The following GAS2L1 variants were observed in gnomAD, a reference collection of about 807,000 sequenced individuals.
GAS2L1 encodes GAS2-like protein 1.
A neutral mutation model predicts 44.0 loss-of-function variants in GAS2L1; 26 were observed. That is an observed-to-expected ratio of 0.59 (90% CI 0.43 to 0.82). The LOEUF is 0.82. GAS2L1 is among the 40% of genes least tolerant of loss of function. The probability of loss-of-function intolerance (pLI) is 0.00; values close to 1 mark genes in which losing one functional copy is unlikely to be tolerated. For missense variants in GAS2L1, 1,006 were observed against 983.0 expected (o/e 1.02, Z -0.31); for synonymous variants, 426 against 415.9 (o/e 1.02, Z -0.30).
exon 5 of GAS2L1, chr22:29,312,600 C>G (rs2061423145): frequency 2.5e-6 from 2 of 804,218 alleles, no homozygotes; most frequent in Admixed American, 3.2e-5. Flanking sequence ...AGTACCAGAC[C>G]TCATGGGACC....
At chr22:29,310,273 AAAAT>A (rs1569140140) in intron 1 of GAS2L1, 162 bp from the exon 3 acceptor site, 1 of 411,702 alleles carries the variant, frequency 2.4e-6, no homozygotes, top group Admixed American at 4.1e-5. Context: ...AAAAATAAAA[AAAAT>A]AAAAGAAAGG....
chr22:29,312,209 G>A, exon 5 of GAS2L1: 1 of 1,613,044 alleles, frequency 6.2e-7, no homozygotes, highest in Non-Finnish European at 8.5e-7. Flanking sequence ...CTGGCCGGAC[G>A]GCCAATGGGC....
intron 3 of GAS2L1, 44 bp downstream of exon 4, chr22:29,310,778 G>A (rs777064773): frequency 2.5e-6 from 4 of 1,605,742 alleles, no homozygotes; most frequent in Non-Finnish European, 3.4e-6. Context: ...CAGGGGACTT[G>A]CTTCTGTGGC....
intron 1 of GAS2L1, 37 bp from the exon 3 acceptor site, chr22:29,310,402 T>C: frequency 8.5e-7 from 1 of 1,176,794 alleles, no homozygotes; most frequent in South Asian, 1.3e-5. Flanking sequence ...GGAGGAGGAC[T>C]TGACCTCTGA....
chr22:29,312,608 A>C, exon 5 of GAS2L1: 1 of 731,114 alleles, frequency 1.4e-6, no homozygotes, highest in South Asian at 2.8e-5. Context: ...ACCTCATGGG[A>C]CCAGACCCCT....
intron 4 of GAS2L1, 55 bp from the exon 6 acceptor site, chr22:29,311,407 T>C (rs2061403703): frequency 1.4e-6 from 1 of 704,128 alleles, no homozygotes; most frequent in South Asian, 1.8e-5. Flanking sequence ...CTGCCTGTTC[T>C]GCATGCCAGT....
Position 29,311,759 on chromosome 22 carries a change from C to T in GAS2L1, c.1308C>T (p.Ser436=), listed in dbSNP as rs61737736. 6.9e-4 allele frequency: 1,067 copies of T among 1,538,080 alleles called. 3 individuals carry two copies. The highest frequency in any genetic ancestry group is 2.0e-3 in the Middle Eastern group (10 of 4,904). ...CCAGCCCTGCCCGGCGGGCCCGGAGCCAGAGCCGCGAGGAGCAGGCTGTGC... is the reference window on the plus strand; with the variant it reads ...CCAGCCCTGCCCGGCGGGCCCGGAGTCAGAGCCGCGAGGAGCAGGCTGTGC... Residue 436 remains serine (S), a synonymous_variant, in exon 5 of 5, where the codon AGC becomes AGT. Coordinates refer to ENST00000618518, the Ensembl canonical transcript of GAS2L1.
At chr22:29,312,279 G>T (rs774249918) in exon 5 of GAS2L1, 22 of 1,609,870 alleles carry the variant, frequency 1.4e-5, no homozygotes, top group Non-Finnish European at 1.8e-5. Context: ...CCCCTGCCCT[G>T]GCATGGGGGG....
chr22:29,308,493 CGCAAGAACGAGAAGAGCGTGGTGCTGT>C (rs1569138860), exon 1 of GAS2L1: 1 of 1,608,812 alleles, frequency 6.2e-7, no homozygotes, highest in Non-Finnish European at 8.5e-7. Context: ...CCTGGTGCTG[CGCAAGAACGAGAAGAGCGTGGTGCTGT>C]GCCTGCTGGA....
intron 1 of GAS2L1, 55 bp downstream of exon 2, chr22:29,308,793 ATC>A: frequency 7.2e-7 from 1 of 1,382,492 alleles, no homozygotes; most frequent in South Asian, 1.5e-5. Context: ...AGTGCCTGCA[ATC>A]TGTCCCTGAA....
exon 5 of GAS2L1, chr22:29,312,469 C>G: frequency 6.6e-7 from 1 of 1,513,284 alleles, no homozygotes; most frequent in South Asian, 1.3e-5. Flanking sequence ...TCAGTCACCC[C>G]GAGGGCTGAG....
exon 4 of GAS2L1, chr22:29,310,885 C>G (rs375768444): frequency 3.7e-6 from 6 of 1,613,374 alleles, no homozygotes; most frequent in South Asian, 1.1e-5. Flanking sequence ...TGTCGCCCAC[C>G]ACCAGTCCCC....
At chr22:29,307,892 G>T in exon 1 of GAS2L1, 1 of 415,000 alleles carries the variant, frequency 2.4e-6, no homozygotes, top group Admixed American at 4.1e-5. Flanking sequence ...ATCCCATAGA[G>T]TCCTATGAGG....
chr22:29,308,988 G>A (rs189094885), intron 1 of GAS2L1, among the ~76,000 whole-genome samples: 1 of 152,256 alleles, frequency 6.6e-6, no homozygotes, highest in Non-Finnish European at 1.5e-5. Flanking sequence ...CTCCTGGCAC[G>A]ATCTTCCCTC....
At chr22:29,307,039 A>C (rs2061355748), upstream of GAS2L1, 1 of 151,132 alleles carries the variant, frequency 6.6e-6, no homozygotes, top group African/African-American at 2.4e-5. Context: ...GGCGAGGAGG[A>C]GGCCGCGGCG....
chr22:29,310,638 G>T (rs1306483808), exon 3 of GAS2L1: 7 of 1,607,644 alleles, frequency 4.4e-6, no homozygotes, highest in African/African-American at 1.3e-5. Flanking sequence ...ACACCTGCAG[G>T]TGCTGAGGAG....
chr22:29,310,838 C>T lies in GAS2L1; in HGVS notation c.850C>T (p.Pro284Ser), dbSNP rs754474897. 9.3e-6 allele frequency: 15 copies of T among 1,610,038 alleles called. No individual in the cohort carries two copies. The highest frequency in any genetic ancestry group is 2.2e-5 in the South Asian group (2 of 90,934). ...CTCTCTCCCCGCAGCTCATCGCCCA[C>T]CCCAGCCGAGGGTCTGCACCTTTTC... The change falls in exon 4 of 5, where the codon CCC becomes TCC. Residue 284 changes from proline to serine, a missense_variant. By Grantham distance (74) the Pro-to-Ser change is moderately conservative. Transcript: ENST00000618518.
rs769451289 is a variant in GAS2L1 at position 29,312,470 on chromosome 22, G to A, written c.2019G>A (p.Pro673=). Residue 673 remains proline, a synonymous_variant, in exon 5 of 5, where the codon CCG becomes CCA. Coordinates refer to ENST00000618518, the Ensembl canonical transcript of GAS2L1. ...GGCATGCCCTGCACTCAGTCACCCC[G>A]AGGGCTGAGCCAGATTCCTGGATGT... The A allele has an allele frequency of 2.0e-6, 3 of 1,513,108 alleles. No individual in the cohort carries two copies. The African/African-American group carries it at 4.2e-5, about 21-fold the overall frequency. 93.7% of individuals were successfully genotyped at this position (1,513,108 alleles called of 1,614,324 possible).
At chr22:29,307,499 C>T (rs1462239415) in exon 1 of GAS2L1, 1 of 152,320 alleles carries the variant, frequency 6.6e-6, no homozygotes, top group Non-Finnish European at 1.5e-5. Context: ...TTCTGCGCCT[C>T]AGTTTCCTCA....
Sources: allele counts gnomAD v4.1 joint callset (sites outside exome capture counted in the v4.1 genomes callset), GRCh38; gene constraint gnomAD v4.1.1; transcripts MANE v1.5; gene names NCBI Gene and HGNC (gene_info 2026-07-23, HGNC 2026-07-21).